Variants in PARVB observed in about 807,000 individuals in gnomAD.
PARVB encodes parvin beta, also known as beta-parvin.
PARVB carries 46 observed loss-of-function variants against 47.0 expected under a neutral mutation model. The ratio of observed to expected loss-of-function variants is 0.98; its 90% CI spans 0.77 to 1.25. The LOEUF is 1.25. Ranked by LOEUF, PARVB falls within the 50% of genes most tolerant of loss-of-function variation. The pLI is 0.00. For synonymous variants in PARVB, 196 were observed against 196.3 expected (o/e 1.00, Z 0.01); for missense variants, 473 against 471.6 (o/e 1.00, Z -0.03).
At chr22:44,091,977 G>A (rs567464793) in intron 1 of PARVB, among the ~76,000 whole-genome samples, 36 of 152,260 alleles carry the variant, frequency 2.4e-4, no homozygotes, top group African/African-American at 8.2e-4. Flanking sequence ...CCACGGTCAC[G>A]TCCTGAGAGT....
intron 4 of PARVB, among the ~76,000 whole-genome samples, chr22:44,122,467 CA>C (rs2053068364): frequency 7.1e-6 from 1 of 141,008 alleles, no homozygotes. Context: ...GCCTAGGCAA[CA>C]GAGTGAGACC....
At chr22:44,093,047 C>T (rs2052210180) in intron 1 of PARVB, among the ~76,000 whole-genome samples, 1 of 152,244 alleles carries the variant, frequency 6.6e-6, no homozygotes, top group African/African-American at 2.4e-5. Flanking sequence ...GTGGCCAGGG[C>T]CCTACCTGCA....
At chr22:44,098,294 G>A (rs1484209600) in intron 2 of PARVB, among the ~76,000 whole-genome samples, 1 of 152,294 alleles carries the variant, frequency 6.6e-6, no homozygotes, top group African/African-American at 2.4e-5. Context: ...GTCCAGAGGG[G>A]GTCTCAGACA....
At chr22:44,124,276 T>G (rs2147140533) in intron 4 of PARVB, among the ~76,000 whole-genome samples, 1 of 152,284 alleles carries the variant, frequency 6.6e-6, no homozygotes, top group South Asian at 2.1e-4. Context: ...GTTTTCAGGG[T>G]CCACAAATGC....
chr22:44,097,234 T>C (rs927968964), intron 2 of PARVB, among the ~76,000 whole-genome samples: 1 of 152,220 alleles, frequency 6.6e-6, no homozygotes, highest in Admixed American at 6.5e-5. Context: ...CAATGCAGGA[T>C]GTCAGAAAGT....
chr22:44,025,700 G>A (rs1031262784), intron 1 of PARVB, among the ~76,000 whole-genome samples: 20 of 148,440 alleles, frequency 1.3e-4, no homozygotes, highest in African/African-American at 4.4e-4. Context: ...TCTCCTAAAT[G>A]ACATGATTAG....
In PARVB at chr22:44,132,951, A is replaced by G. The variant is rs747108331; in HGVS notation, c.575A>G (p.His192Arg). 1.9e-6 allele frequency: 3 copies of G among 1,614,086 alleles called. No individual in the cohort carries two copies. Among genetic ancestry groups the G allele is most frequent in the Non-Finnish European group, 2.5e-6 (3 of 1,180,006 alleles). Residue 192 changes from histidine (H) to arginine (R), a missense_variant, in exon 6 of 13, where the codon CAC (histidine) becomes CGC (arginine). Transcript: ENST00000338758. ...ILHLLVSLAM[H>R]FRAPIRLPEH... ...CACCTGCTGGTCTCTCTGGCCATGC[A>G]CTTCAGGGCCCCCATCCGCCTTCCT...
In PARVB at chr22:44,102,411, C is replaced by T. The variant is rs374733849; in HGVS notation, c.273+2288C>T. Among the ~76,000 whole-genome samples the T allele has an allele frequency of 3.9e-5, 6 of 152,330 alleles. No homozygotes were observed. The East Asian group carries it at 9.6e-4, about 24-fold the overall frequency. The stretch of plus-strand genomic sequence containing the variant: ...GACACAGAAGATGAACCATCCCATG[C>T]ACCTTTCTAAAGATTTTTTTCTTTG... On this transcript the variant is annotated intron_variant, in intron 3 of 12. Coordinates refer to ENST00000338758, the MANE Select transcript of PARVB (RefSeq NM_013327.5).
intron 3 of PARVB, chr22:44,105,352 C>G (rs2052544606): frequency 6.6e-6 from 1 of 152,294 alleles, no homozygotes; most frequent in Non-Finnish European, 1.5e-5. Flanking sequence ...GGCCCAACCT[C>G]TCTGTGGGCA....
chr22:44,136,521 A>T lies in PARVB; in HGVS notation c.692+3A>T, dbSNP rs763001199. The T allele has an allele frequency of 8.1e-6, 13 of 1,613,264 alleles. No homozygotes were observed. In the South Asian group the frequency reaches 1.4e-4, roughly 18 times the overall value. ...GAGGAGCTGACCACAACTACAGAGT[A>T]AGTGGACCCCTGTCTTGCCCTTCCA... On this transcript the variant is annotated splice_donor_region_variant and intron_variant, in intron 7 of 12. Transcript: ENST00000338758.
chr22:44,022,122 A>G (rs896720315), upstream of PARVB, among the ~76,000 whole-genome samples: 1 of 152,152 alleles, frequency 6.6e-6, no homozygotes, highest in South Asian at 2.1e-4. Flanking sequence ...ATATTTATCA[A>G]TTGGTTTTCC....
intron 3 of PARVB, among the ~76,000 whole-genome samples, chr22:44,101,038 A>G (rs1267895704): frequency 1.3e-5 from 2 of 152,210 alleles, no homozygotes; most frequent in African/African-American, 4.8e-5. Flanking sequence ...AGTGGACCCA[A>G]TGCTGGGCTG....
upstream of PARVB, among the ~76,000 whole-genome samples, chr22:44,019,807 C>G (rs1202648435): frequency 2.0e-5 from 3 of 152,206 alleles, no homozygotes; most frequent in Non-Finnish European, 4.4e-5. Context: ...CCCCATCAGG[C>G]CCGACTCCCA....
At chr22:44,147,997 G>A in intron 9 of PARVB, 75 bp downstream of exon 9, 6 of 1,099,754 alleles carry the variant, frequency 5.5e-6, no homozygotes, top group South Asian at 5.1e-5. Flanking sequence ...GCCCCGCTGG[G>A]AAGAAGGTGG....
intron 6 of PARVB, among the ~76,000 whole-genome samples, chr22:44,135,869 C>T (rs970886415): frequency 6.6e-6 from 1 of 152,172 alleles, no homozygotes; most frequent in African/African-American, 2.4e-5. Flanking sequence ...ACATGGCCTC[C>T]TCCCTCTGTC....
intron 1 of PARVB, among the ~76,000 whole-genome samples, chr22:44,043,669 G>A (rs2051062318): frequency 6.6e-6 from 1 of 152,138 alleles, no homozygotes; most frequent in South Asian, 2.1e-4. Flanking sequence ...AAGCCACTGC[G>A]CCCAGCCGAA....
intron 2 of PARVB, among the ~76,000 whole-genome samples, chr22:44,014,354 C>T (rs1032091267): frequency 1.3e-5 from 2 of 152,170 alleles, no homozygotes; most frequent in Non-Finnish European, 2.9e-5. Context: ...ATGGAACTGG[C>T]CTCTTCAGAA....
intron 2 of PARVB, among the ~76,000 whole-genome samples, chr22:44,098,221 C>G (rs953512830): frequency 6.6e-6 from 1 of 152,204 alleles, no homozygotes; most frequent in African/African-American, 2.4e-5. Context: ...CCGTCCTGCA[C>G]CCCCTCTCAT....
intron 4 of PARVB, among the ~76,000 whole-genome samples, chr22:44,122,562 C>CAGAGAG (rs55865160): frequency 3.7e-4 from 29 of 78,792 alleles, no homozygotes; most frequent in East Asian, 2.8e-3. Flanking sequence ...GACACAGAGA[C>CAGAGAG]AGAGAGAGAG....
Sources: gnomAD v4.1 joint callset for allele counts (sites outside exome capture counted in the v4.1 genomes callset) on GRCh38, gnomAD v4.1.1 for gene constraint, MANE v1.5 for transcripts, NCBI Gene and HGNC (gene_info 2026-07-23, HGNC 2026-07-21) for gene names.